The following DRC1 variants were observed in gnomAD, a reference collection of about 807,000 sequenced individuals.
DRC1 encodes the protein dynein regulatory complex protein 1.
DRC1 carries 74 observed loss-of-function variants against 98.7 expected under a neutral mutation model. The ratio of observed to expected loss-of-function variants is 0.75; its 90% CI spans 0.62 to 0.91. DRC1 has a LOEUF of 0.91. Ranked by LOEUF, DRC1 falls within the 40% of genes least tolerant of loss-of-function variation. The pLI is 0.00. For missense variants in DRC1, 875 were observed against 886.0 expected (o/e 0.99, Z 0.16); for synonymous variants, 336 against 334.1 (o/e 1.01, Z -0.06).
intron 5 of DRC1, chr2:26,430,342 T>C (rs1225194655): frequency 2.8e-6 from 1 of 354,028 alleles, no homozygotes; most frequent in Non-Finnish European, 5.6e-6. Context: ...GGCCTCTCTC[T>C]CTCTCGGTTG....
intron 2 of DRC1, 89 bp from the exon 3 acceptor site, chr2:26,421,199 C>T: frequency 8.7e-7 from 1 of 1,152,530 alleles, no homozygotes; most frequent in Non-Finnish European, 1.2e-6. Context: ...TGGATAGAAG[C>T]TGCGGACAGT....
At chr2:26,442,041 T>A (rs1310768763) in intron 8 of DRC1, among the ~76,000 whole-genome samples, 2 of 152,318 alleles carry the variant, frequency 1.3e-5, no homozygotes, top group East Asian at 3.9e-4. Flanking sequence ...AAGGCCAAGA[T>A]CAAGGCTGGC....
chr2:26,440,890 G>A (rs1299268293), intron 8 of DRC1, among the ~76,000 whole-genome samples: 2 of 152,160 alleles, frequency 1.3e-5, no homozygotes, highest in African/African-American at 2.4e-5. Flanking sequence ...CCAGTTCATA[G>A]AGAGCTTTCA....
rs888921484 is a variant in DRC1 at position 26,401,983 on chromosome 2, T to C, written c.-7T>C. On this transcript the variant is annotated 5_prime_UTR_variant, in exon 1 of 17. Coordinates refer to ENST00000288710, the MANE Select transcript of DRC1 (RefSeq NM_145038.5). Reference sequence around the variant, plus strand: ...AGGGAGCCGCCTAGGGACCAGGGACTCCTGCCATGAATCCGCCGGGGTCCC... The same window carrying C: ...AGGGAGCCGCCTAGGGACCAGGGACCCCTGCCATGAATCCGCCGGGGTCCC... 3.3e-5 allele frequency: 53 copies of C among 1,596,964 alleles called. No homozygotes were observed. Among genetic ancestry groups the C allele is most frequent in the Non-Finnish European group, 4.4e-5 (51 of 1,172,318 alleles).
intron 8 of DRC1, among the ~76,000 whole-genome samples, chr2:26,442,872 G>A (rs530432248): frequency 4.6e-5 from 7 of 152,080 alleles, no homozygotes; most frequent in South Asian, 4.2e-4. Flanking sequence ...TCACTTCCTC[G>A]CCTGCTATCT....
In DRC1 at chr2:26,429,699, G is replaced by T. The variant is rs1407870156; in HGVS notation, c.612G>T (p.Leu204=). The part of the protein sequence containing the change: ...KKQSDDICLL[L]ERMEEQVKNV... ...AGTCAGATGACATCTGCCTGCTTCT[G>T]GAGCGGATGGAAGAACAGGTGAAGA... Residue 204 remains leucine, a synonymous_variant, in exon 5 of 17, where the codon CTG becomes CTT. Transcript: ENST00000288710. The T allele has an allele frequency of 2.5e-6, 4 of 1,614,026 alleles. No individual in the cohort carries two copies. Among genetic ancestry groups the T allele is most frequent in the Non-Finnish European group, 3.4e-6 (4 of 1,180,030 alleles).
At chr2:26,444,030 T>C (rs563591021) in intron 8 of DRC1, among the ~76,000 whole-genome samples, 192 bp from the exon 9 acceptor site, 1 of 152,326 alleles carries the variant, frequency 6.6e-6, no homozygotes, top group Non-Finnish European at 1.5e-5. Context: ...CGTTTTGGAC[T>C]GTCCCAAGAT....
rs1678918197 is a variant in DRC1, at chr2:26,418,635, TAATTTATATAA to T, written c.244-2652_244-2642del. Among the ~76,000 whole-genome samples the T allele has an allele frequency of 6.7e-5, 6 of 89,698 alleles. No individual in the cohort carries two copies. In the Admixed American group the frequency reaches 9.9e-4, roughly 15 times the overall value. 58.8% of individuals were successfully genotyped at this position (89,698 alleles called of 152,430 possible). ...AATTATATATAATATAAATTATATA[TAATTTATATAA>T]TATATAAATTATATATTATATAAAT... is the stretch of plus-strand genomic sequence containing the variant. On this transcript the variant is annotated intron_variant, in intron 2 of 16. Coordinates refer to ENST00000288710, the MANE Select transcript of DRC1 (RefSeq NM_145038.5).
In DRC1 at chr2:26,429,619, C is replaced by G. The variant is rs2147990733; in HGVS notation, c.541-9C>G. 6.2e-7 allele frequency: 1 copy of G among 1,613,222 alleles called. No homozygotes were observed. The highest frequency in any genetic ancestry group is 2.2e-5 in the East Asian group (1 of 44,866). ...GTTTGTGGCCAGACTTTTACATGCT[C>G]TTTTCTAGGAGTTAAAAACAAAGGA... On this transcript the variant is annotated splice_polypyrimidine_tract_variant and intron_variant, in intron 4 of 16. Coordinates refer to ENST00000288710, the MANE Select transcript of DRC1 (RefSeq NM_145038.5).
Position 26,429,718 on chromosome 2 carries a change from G to A in DRC1, c.631G>A (p.Val211Met), listed in dbSNP as rs1198583396. 5 of 1,614,000 alleles carry A rather than the reference G, an allele frequency of 3.1e-6. No homozygotes were observed. The highest frequency in any genetic ancestry group is 4.2e-6 in the Non-Finnish European group (5 of 1,180,002). ...CLLLERMEEQ[V>M]KNVMKTFREE... Reference sequence around the variant, plus strand: ...GCTTCTGGAGCGGATGGAAGAACAGGTGAAGAATGTGATGAAAACCTTTCG... The same window carrying A: ...GCTTCTGGAGCGGATGGAAGAACAGATGAAGAATGTGATGAAAACCTTTCG... The change falls in exon 5 of 17, where the codon GTG becomes ATG. Residue 211 changes from valine to methionine, a missense_variant. Val to Met is a conservative substitution (Grantham distance 21, BLOSUM62 1). Coordinates refer to ENST00000288710, the MANE Select transcript of DRC1 (RefSeq NM_145038.5).
rs17005284 is a variant in DRC1 at position 26,409,454 on chromosome 2, T to C, written c.156-4890T>C. ...AACCATCCTTTATGTAGTTTTTTTT[T>C]AAAGGCAGCTGTTTCTTTAACAACA... On this transcript the variant is annotated intron_variant, in intron 1 of 16. Coordinates refer to ENST00000288710, the MANE Select transcript of DRC1 (RefSeq NM_145038.5). 5.7e-3 allele frequency among the ~76,000 whole-genome samples: 865 copies of C among 152,274 alleles called. 9 individuals carry two copies. The highest frequency in any genetic ancestry group is 0.02 in the African/African-American group (814 of 41,548).
intron 7 of DRC1, among the ~76,000 whole-genome samples, chr2:26,437,008 G>C (rs1663591024): frequency 6.6e-6 from 1 of 152,122 alleles, no homozygotes; most frequent in African/African-American, 2.4e-5. Context: ...TTGGACTTTT[G>C]TGCCGAGCTG....
intron 4 of DRC1, among the ~76,000 whole-genome samples, chr2:26,426,636 G>A (rs1663292272): frequency 6.6e-6 from 1 of 151,934 alleles, no homozygotes; most frequent in African/African-American, 2.4e-5. Flanking sequence ...CAAAATGCTG[G>A]GATTACAGAT....
intron 13 of DRC1, 65 bp from the exon 14 acceptor site, chr2:26,453,255 G>A: frequency 6.4e-7 from 1 of 1,568,634 alleles, no homozygotes; most frequent in Non-Finnish European, 8.7e-7. Context: ...TCTTCTTCCT[G>A]CCTCTCTCTC....
At chr2:26,431,163 C>T (rs1663427038) in intron 6 of DRC1, among the ~76,000 whole-genome samples, 1 of 152,120 alleles carries the variant, frequency 6.6e-6, no homozygotes, top group Non-Finnish European at 1.5e-5. Context: ...ACCATGTTGA[C>T]CAGGATGGTC....
At position 26,448,474 on chromosome 2, in the gene DRC1, C is replaced by T. The variant is rs541696082; in HGVS notation, c.1397-217C>T. On this transcript the variant is annotated intron_variant, in intron 10 of 16. Coordinates refer to ENST00000288710, the MANE Select transcript of DRC1 (RefSeq NM_145038.5). ...GCATTACAGGCTGGCTGGGAATGGC[C>T]GAGTTCTCCAGGTAGTCTCTGATTC... 29 of 686,370 alleles carry T rather than the reference C, an allele frequency of 4.2e-5. No homozygotes were observed. The East Asian group carries it at 6.1e-4, about 14-fold the overall frequency. 42.5% of individuals were successfully genotyped at this position (686,370 alleles called of 1,614,324 possible).
chr2:26,447,949 G>A (rs576680171), intron 10 of DRC1, among the ~76,000 whole-genome samples: 15 of 151,676 alleles, frequency 9.9e-5, no homozygotes, highest in African/African-American at 3.6e-4. Flanking sequence ...TCTGGACCAG[G>A]CGCCGTGGCT....
At chr2:26,422,767 A>G (rs1392449741) in intron 3 of DRC1, among the ~76,000 whole-genome samples, 1 of 152,040 alleles carries the variant, frequency 6.6e-6, no homozygotes, top group South Asian at 2.1e-4. Context: ...AACACAAAAA[A>G]TTAGCTGGGT....
intron 7 of DRC1, among the ~76,000 whole-genome samples, chr2:26,434,830 G>A (rs1663529592): frequency 1.3e-5 from 2 of 151,336 alleles, no homozygotes; most frequent in African/African-American, 2.4e-5. Context: ...GGCGGAGCTT[G>A]CAGTCAGCCG....
Sources: gnomAD v4.1 joint callset for allele counts (sites outside exome capture counted in the v4.1 genomes callset) on GRCh38, gnomAD v4.1.1 for gene constraint, MANE v1.5 for transcripts, NCBI Gene and HGNC (gene_info 2026-07-23, HGNC 2026-07-21) for gene names.